TRAPPC9: variants seen among roughly 807,000 people sequenced by gnomAD.
TRAPPC9 encodes the protein trafficking protein particle complex subunit 9, also known as IKK2 binding protein.
TRAPPC9 carries 83 observed loss-of-function variants against 124.0 expected under a neutral mutation model. The observed-to-expected ratio is 0.67, with a 90% CI of 0.56 to 0.80. The LOEUF (loss-of-function observed/expected upper bound fraction) is 0.80, where lower values mean the gene tolerates loss of function less well. Ranked by LOEUF, TRAPPC9 falls within the 30% of genes least tolerant of loss-of-function variation. The pLI, the probability that TRAPPC9 is intolerant of heterozygous loss-of-function variation, is 0.00. For missense variants in TRAPPC9, 1,302 were observed against 1,508.3 expected (o/e 0.86, Z 2.27); for synonymous variants, 638 against 617.5 (o/e 1.03, Z -0.49).
intron 19 of TRAPPC9, among the ~76,000 whole-genome samples, chr8:139,951,013 C>T (rs553999918): frequency 6.9e-4 from 105 of 152,324 alleles, no homozygotes; most frequent in Non-Finnish European, 1.3e-3. Flanking sequence ...CACCTGCTCA[C>T]GGCTTGGAGT....
chr8:140,128,694 G>A (rs896205860), intron 17 of TRAPPC9, among the ~76,000 whole-genome samples: 11 of 152,182 alleles, frequency 7.2e-5, no homozygotes, highest in African/African-American at 1.4e-4. Flanking sequence ...CCAAGGGGTC[G>A]GCATGATTTC....
chr8:140,043,299 T>C (rs1381860938), intron 17 of TRAPPC9, among the ~76,000 whole-genome samples: 1 of 152,244 alleles, frequency 6.6e-6, no homozygotes, highest in African/African-American at 2.4e-5. Flanking sequence ...AAACATCTCT[T>C]GTACACTAAA....
chr8:139,879,000 T>G (rs1211224188), intron 21 of TRAPPC9, among the ~76,000 whole-genome samples: 1 of 152,214 alleles, frequency 6.6e-6, no homozygotes. Flanking sequence ...CTTTTTGAAC[T>G]GAATTAGTGA....
At chr8:140,172,166 T>G (rs1415676699) in intron 17 of TRAPPC9, among the ~76,000 whole-genome samples, 2 of 152,144 alleles carry the variant, frequency 1.3e-5, no homozygotes, top group Non-Finnish European at 1.5e-5. Flanking sequence ...GCTGTGGCAT[T>G]GCACTGGACC....
intron 21 of TRAPPC9, among the ~76,000 whole-genome samples, chr8:139,811,004 C>G (rs1824407742): frequency 6.6e-6 from 1 of 152,162 alleles, no homozygotes; most frequent in Admixed American, 6.5e-5. Flanking sequence ...ACTTGAGGAC[C>G]ACCTTTAAAG....
intron 19 of TRAPPC9, among the ~76,000 whole-genome samples, chr8:139,963,626 T>C (rs1427257989): frequency 6.8e-6 from 1 of 148,136 alleles, no homozygotes; most frequent in Non-Finnish European, 1.5e-5. Flanking sequence ...AATGTTCAGG[T>C]TTTCATGAAA....
intron 12 of TRAPPC9, among the ~76,000 whole-genome samples, chr8:140,288,262 G>A (rs957807548): frequency 2.6e-5 from 4 of 152,154 alleles, no homozygotes; most frequent in South Asian, 2.1e-4. Flanking sequence ...ATGATCACCC[G>A]AGCCCAGGAG....
intron 21 of TRAPPC9, among the ~76,000 whole-genome samples, chr8:139,784,458 C>T (rs866470299): frequency 3.4e-4 from 52 of 151,736 alleles, no homozygotes; most frequent in African/African-American, 1.1e-3. Flanking sequence ...CCTGTAATCC[C>T]GGCCACTCAG....
chr8:140,072,160 T>A (rs764180446), intron 17 of TRAPPC9, among the ~76,000 whole-genome samples: 3 of 152,194 alleles, frequency 2.0e-5, no homozygotes, highest in Non-Finnish European at 4.4e-5. Flanking sequence ...GATAACCTTG[T>A]CAAACCTCAC....
At chr8:139,740,719 G>A (rs938554789) in intron 21 of TRAPPC9, among the ~76,000 whole-genome samples, 6 of 152,166 alleles carry the variant, frequency 3.9e-5, no homozygotes, top group Non-Finnish European at 8.8e-5. Flanking sequence ...GGCCCACACG[G>A]GCGGTGAGCT....
At chr8:139,957,449 G>A (rs2131541945) in intron 19 of TRAPPC9, among the ~76,000 whole-genome samples, 1 of 152,336 alleles carries the variant, frequency 6.6e-6, no homozygotes, top group South Asian at 2.1e-4. Flanking sequence ...GAGAGAGGCA[G>A]GGACAGCAGG....
rs545997149 is a variant in TRAPPC9 at position 139,742,232 on chromosome 8, C to T, written c.3056-10030G>A. Among the ~76,000 whole-genome samples, 2 of 152,136 alleles carry T rather than the reference C, an allele frequency of 1.3e-5. No individual in the cohort carries two copies. Among genetic ancestry groups the T allele is most frequent in the Non-Finnish European group, 2.9e-5 (2 of 68,032 alleles). ...GTGGAGGTGAAGTAGCATCTTGCTGCGGTTCTCACGTGCGTTCTCCCGATC... is the reference window on the plus strand; with the variant it reads ...GTGGAGGTGAAGTAGCATCTTGCTGTGGTTCTCACGTGCGTTCTCCCGATC... On this transcript the variant is annotated intron_variant, in intron 21 of 22. Coordinates refer to ENST00000438773, the MANE Select transcript of TRAPPC9 (RefSeq NM_001160372.4). This position sits in a 1 kb window ranked among gnomAD's most constrained non-coding sequence, Gnocchi z 4.7.
chr8:140,079,974 G>A (rs1022628267), intron 17 of TRAPPC9, among the ~76,000 whole-genome samples: 1 of 152,070 alleles, frequency 6.6e-6, no homozygotes, highest in Non-Finnish European at 1.5e-5. Flanking sequence ...AGAAGAAGGA[G>A]GAGGAGGAGG....
At chr8:139,986,866 C>T (rs1195741493) in intron 19 of TRAPPC9, among the ~76,000 whole-genome samples, 1 of 152,238 alleles carries the variant, frequency 6.6e-6, no homozygotes, top group Non-Finnish European at 1.5e-5. Flanking sequence ...TGATCAAACC[C>T]TGTTCCAATC....
At chr8:140,423,776 A>G (rs1379655661) in intron 5 of TRAPPC9, among the ~76,000 whole-genome samples, 1 of 152,130 alleles carries the variant, frequency 6.6e-6, no homozygotes, top group Admixed American at 6.5e-5. Flanking sequence ...ACAGAATGGA[A>G]TATTATTCTG....
In TRAPPC9 at chr8:140,435,163, T is replaced by C. The variant is rs757613549; in HGVS notation, c.808A>G (p.Arg270Gly). Reference sequence around the variant, plus strand: ...GCAGGAAGGGTGCTGCCCTGGAACCTCCGAGCTCCACTCTTCCCACCAGTT... The same window carrying C: ...GCAGGAAGGGTGCTGCCCTGGAACCCCCGAGCTCCACTCTTCCCACCAGTT... ...GGTGGKSGAR[R>G]FQGSTLPAEA... Residue 270 changes from arginine to glycine, a missense_variant, in exon 4 of 23, where the codon AGG becomes GGG. Physicochemically the swap from Arg to Gly is moderately radical, Grantham distance 125 (BLOSUM62 -2). This residue lies in a region of TRAPPC9 where 657 missense variants were observed against 811.2 expected (regional missense o/e 0.81). Transcript: ENST00000438773. 6.2e-7 allele frequency: 1 copy of C among 1,614,052 alleles called. No homozygotes were observed. Among genetic ancestry groups the C allele is most frequent in the Non-Finnish European group, 8.5e-7 (1 of 1,179,958 alleles).
chr8:140,220,217 G>A (rs28590050), intron 17 of TRAPPC9, among the ~76,000 whole-genome samples: 8,039 of 152,206 alleles, frequency 0.053, 454 homozygotes, highest in African/African-American at 0.14. Flanking sequence ...AACTTGCTAC[G>A]ATCCATTACC....
At chr8:140,439,648 A>G (rs1009344433) in intron 2 of TRAPPC9, among the ~76,000 whole-genome samples, 22 of 152,162 alleles carry the variant, frequency 1.4e-4, no homozygotes, top group Non-Finnish European at 2.9e-5. Context: ...CATCCTCGCT[A>G]TTTCAGGGCA....
intron 9 of TRAPPC9, among the ~76,000 whole-genome samples, chr8:140,352,583 C>A (rs2067620588): frequency 1.3e-5 from 2 of 152,154 alleles, no homozygotes; most frequent in Non-Finnish European, 2.9e-5. Context: ...GCGGGGGAAA[C>A]AGCATGCACT....
Sources: gnomAD v4.1 joint callset for allele counts (sites outside exome capture counted in the v4.1 genomes callset) on GRCh38, gnomAD v4.1.1 for gene constraint, gnomAD v4.1.1 regional missense constraint, Gnocchi (gnomAD v3.1) non-coding constraint, MANE v1.5 for transcripts, NCBI Gene and HGNC (gene_info 2026-07-23, HGNC 2026-07-21) for gene names.